Variants in FITM1 observed in about 807,000 individuals in gnomAD.
FITM1 encodes the protein fat storage inducing transmembrane protein 1, also known as fat storage-inducing transmembrane protein 1.
In FITM1, 11 loss-of-function variants were observed where a neutral mutation model predicts 22.2. The observed-to-expected ratio is 0.50, with a 90% CI of 0.31 to 0.82. FITM1 has a LOEUF of 0.82. Ranked by LOEUF, FITM1 falls within the 40% of genes least tolerant of loss-of-function variation. FITM1 has a pLI of 0.04. For missense variants in FITM1, 394 were observed against 386.4 expected (o/e 1.02, Z -0.17); for synonymous variants, 164 against 174.0 (o/e 0.94, Z 0.45).
rs755243564 is a variant in FITM1 at position 24,132,449 on chromosome 14, C to A, written c.505C>A (p.Arg169Ser). Residue 169 changes from arginine to serine, a missense_variant, in exon 2 of 2, where the codon CGC (arginine) becomes AGC (serine). Arg to Ser is a moderately radical substitution (Grantham distance 110, BLOSUM62 -1). Coordinates refer to ENST00000267426, the MANE Select transcript of FITM1 (RefSeq NM_203402.3). Reference protein sequence around the residue: ...GLLLHELPDRRSCLAAGHQWR... With the variant: ...GLLLHELPDRSSCLAAGHQWR... The stretch of plus-strand genomic sequence containing the variant: ...GCTGCTCCACGAGCTGCCTGACCGC[C>A]GCAGCTGCCTGGCAGCCGGCCACCA... The A allele has an allele frequency of 1.2e-6, 2 of 1,606,322 alleles. No homozygotes were observed. The highest frequency in any genetic ancestry group is 1.7e-6 in the Non-Finnish European group (2 of 1,179,786).
At chr14:24,132,134 G>T in intron 1 of FITM1, 77 bp from the exon 2 acceptor site, 1 of 1,561,440 alleles carries the variant, frequency 6.4e-7, no homozygotes, top group Non-Finnish European at 8.6e-7. Context: ...GGGTTGGGGA[G>T]AGTGCAGTGA....
rs754860068 is a variant in FITM1, at chr14:24,132,657, G to A, written c.713G>A (p.Cys238Tyr). The change falls in exon 2 of 2, where the codon TGT (cysteine) becomes TAT (tyrosine). Residue 238 changes from cysteine to tyrosine, a missense_variant. Transcript: ENST00000267426. ...LLGLWNFLLL[C>Y]TVIYFHQYTH... ...GGCCTCTGGAACTTCTTGCTGCTCT[G>A]TACCGTCATCTATTTCCACCAGTAC... 4.3e-6 allele frequency: 7 copies of A among 1,613,772 alleles called. No individual in the cohort carries two copies. The highest frequency in any genetic ancestry group is 1.1e-5 in the South Asian group (1 of 91,088).
chr14:24,132,843 G>T lies in FITM1; in HGVS notation c.*20G>T. On this transcript the variant is annotated 3_prime_UTR_variant, in exon 2 of 2. Coordinates refer to ENST00000267426, the MANE Select transcript of FITM1 (RefSeq NM_203402.3). ...AACTGAAAGAAATAAAAACCATCGG[G>T]CCTGGCTGTGGCTCCTCTCATCATT... The T allele has an allele frequency of 6.3e-7, 1 of 1,592,416 alleles. No individual in the cohort carries two copies.
chr14:24,132,029 C>A, intron 1 of FITM1, 182 bp from the exon 2 acceptor site: 1 of 1,185,944 alleles, frequency 8.4e-7, no homozygotes, highest in East Asian at 2.4e-5. Context: ...AATATGGACC[C>A]TGGAATGCTG....
At position 24,131,258 on chromosome 14, in the gene FITM1, C is replaced by G; in HGVS notation, c.-306C>G. The G allele has an allele frequency of 4.9e-6, 3 of 612,344 alleles. No homozygotes were observed. The highest frequency in any genetic ancestry group is 1.9e-5 in the South Asian group (1 of 52,874). 37.9% of individuals were successfully genotyped at this position (612,344 alleles called of 1,614,324 possible). The stretch of plus-strand genomic sequence containing the variant: ...GACTATGGACAAGGACAGCCCTGAA[C>G]AGCTGGCCCTGTCACAGGAACTGGA... On this transcript the variant is annotated 5_prime_UTR_variant, in exon 1 of 2. Transcript: ENST00000267426.
At position 24,132,620 on chromosome 14, in the gene FITM1, G is replaced by A. The variant is rs2037832022; in HGVS notation, c.676G>A (p.Val226Met). 3.1e-6 allele frequency: 5 copies of A among 1,612,846 alleles called. No individual in the cohort carries two copies. The highest frequency in any genetic ancestry group is 3.4e-6 in the Non-Finnish European group (4 of 1,180,038). Residue 226 changes from valine to methionine, a missense_variant, in exon 2 of 2, where the codon GTG becomes ATG. Val to Met is a conservative substitution (Grantham distance 21, BLOSUM62 1). Transcript: ENST00000267426. Reference protein sequence around the residue: ...APLRLVFLLNVLLLGLWNFLL... With the variant: ...APLRLVFLLNMLLLGLWNFLL... ...ACTGCGCCTTGTCTTCCTGCTGAAC[G>A]TGCTGCTGCTGGGCCTCTGGAACTT... is the stretch of plus-strand genomic sequence containing the variant.
In FITM1 at chr14:24,132,362, C is replaced by A; in HGVS notation, c.418C>A (p.Arg140=). ...GGCAGCCGTGTGGCGGGGAGCCGGC[C>A]GGGCCTTCCTGCTCATCGAGGACCT... ...VGAAVWRGAG[R]AFLLIEDLTG... The change falls in exon 2 of 2, where the codon CGG becomes AGG. Residue 140 remains arginine (R), a synonymous_variant. Transcript: ENST00000267426. The A allele has an allele frequency of 1.2e-6, 2 of 1,613,820 alleles. No homozygotes were observed. Among genetic ancestry groups the A allele is most frequent in the Non-Finnish European group, 1.7e-6 (2 of 1,180,004 alleles).
chr14:24,131,374 T>C lies in FITM1; in HGVS notation c.-190T>C, dbSNP rs1349049739. On this transcript the variant is annotated 5_prime_UTR_variant, in exon 1 of 2. Transcript: ENST00000267426. The stretch of plus-strand genomic sequence containing the variant: ...TACCACACACCCGAGGCCAGGACCC[T>C]GCTGACGTGGCAGACCTCCACCCTG... 12 of 704,108 alleles carry C rather than the reference T, an allele frequency of 1.7e-5. No individual in the cohort carries two copies. The highest frequency in any genetic ancestry group is 2.6e-6 in the Non-Finnish European group (1 of 388,406). 43.6% of individuals were successfully genotyped at this position (704,108 alleles called of 1,614,324 possible).
At position 24,132,480 on chromosome 14, in the gene FITM1, G is replaced by T; in HGVS notation, c.536G>T (p.Arg179Leu). The part of the protein sequence containing the change: ...RSCLAAGHQW[R>L]GYTVSSHTFL... ...TGCCTGGCAGCCGGCCACCAGTGGC[G>T]AGGCTACACCGTCTCCTCCCACACC... is the stretch of plus-strand genomic sequence containing the variant. The change falls in exon 2 of 2, where the codon CGA becomes CTA. Residue 179 changes from arginine (R) to leucine (L), a missense_variant. Coordinates refer to ENST00000267426, the MANE Select transcript of FITM1 (RefSeq NM_203402.3). 1 of 1,604,322 alleles carries T rather than the reference G, an allele frequency of 6.2e-7. No individual in the cohort carries two copies. Among genetic ancestry groups the T allele is most frequent in the Non-Finnish European group, 8.5e-7 (1 of 1,179,968 alleles).
rs761810676 is a variant in FITM1 at position 24,132,818 on chromosome 14, A to G, written c.874A>G (p.Asn292Asp). 30 of 1,604,432 alleles carry G rather than the reference A, an allele frequency of 1.9e-5. No homozygotes were observed. The highest frequency in any genetic ancestry group is 2.4e-5 in the Non-Finnish European group (28 of 1,178,272). The change falls in exon 2 of 2, where the codon AAC (asparagine) becomes GAC (aspartate). Residue 292 changes from asparagine (N) to aspartate (D), a missense_variant. Asn to Asp is a conservative substitution (Grantham distance 23). Transcript: ENST00000267426. Reference protein sequence around the residue: ...FPRPHSSRKHN With the variant: ...FPRPHSSRKHD ...CCGTCCCCACTCCAGCCGCAAGCATAACTGAAAGAAATAAAAACCATCGGG... is the reference window on the plus strand; with the variant it reads ...CCGTCCCCACTCCAGCCGCAAGCATGACTGAAAGAAATAAAAACCATCGGG...
At chr14:24,131,918 A>C in intron 1 of FITM1, 89 bp downstream of exon 1, 1 of 1,490,738 alleles carries the variant, frequency 6.7e-7, no homozygotes, top group Non-Finnish European at 8.9e-7. Flanking sequence ...TGCCAGTCTG[A>C]ACACTAAAAA....
rs996926754 is a variant in FITM1 at position 24,130,783 on chromosome 14, G to T, written c.-781G>T. Among the ~76,000 whole-genome samples the T allele has an allele frequency of 2.0e-5, 3 of 152,168 alleles. No homozygotes were observed. Among genetic ancestry groups the T allele is most frequent in the Admixed American group, 6.5e-5 (1 of 15,280 alleles). ...TAAGGTTTCAATTGACTCCTGTCTG[G>T]CAATTGCCCTTTTAGGGTCTCCTCT... On this transcript the variant is annotated 5_prime_UTR_variant, in exon 1 of 2. Coordinates refer to ENST00000267426, the MANE Select transcript of FITM1 (RefSeq NM_203402.3).
rs11574505 is a variant in FITM1, at chr14:24,132,611, C to T, written c.667C>T (p.Leu223=). ...CGGCGCCCCACTGCGCCTTGTCTTC[C>T]TGCTGAACGTGCTGCTGCTGGGCCT... is the stretch of plus-strand genomic sequence containing the variant. ...PAGAPLRLVF[L]LNVLLLGLWN... Residue 223 remains leucine (L), a synonymous_variant, in exon 2 of 2, where the codon CTG becomes TTG. Transcript: ENST00000267426. 9.9e-6 allele frequency: 16 copies of T among 1,612,408 alleles called. No individual in the cohort carries two copies. In the Admixed American group the frequency reaches 2.7e-4, roughly 27 times the overall value.
rs2037818349 is a variant in FITM1 at position 24,131,132 on chromosome 14, A to T, written c.-432A>T. 3 of 530,684 alleles carry T rather than the reference A, an allele frequency of 5.7e-6. No individual in the cohort carries two copies. In the South Asian group the frequency reaches 8.8e-5, roughly 16 times the overall value. The allele number at this position is 530,684 out of a possible 1,614,324, so 32.9% of individuals were successfully genotyped here. ...ACTGATAAGACTGGCAGCTTTTTTT[A>T]AAAAACGACTTTCAAGGTTTGGTTA... On this transcript the variant is annotated 5_prime_UTR_variant, in exon 1 of 2. Coordinates refer to ENST00000267426, the MANE Select transcript of FITM1 (RefSeq NM_203402.3).
rs1472324944 is a variant in FITM1 at position 24,132,684 on chromosome 14, C to T, written c.740C>T (p.Thr247Ile). The change falls in exon 2 of 2, where the codon ACT becomes ATT. Residue 247 changes from threonine to isoleucine, a missense_variant. Physicochemically the swap from Thr to Ile is moderately conservative, Grantham distance 89. Transcript: ENST00000267426. Reference sequence around the variant, plus strand: ...ACCGTCATCTATTTCCACCAGTACACTCACAAGGTGGTGGGCGCCGCAGTG... The same window carrying T: ...ACCGTCATCTATTTCCACCAGTACATTCACAAGGTGGTGGGCGCCGCAGTG... ...LCTVIYFHQY[T>I]HKVVGAAVGT... 1.9e-6 allele frequency: 3 copies of T among 1,613,932 alleles called. No individual in the cohort carries two copies. Among genetic ancestry groups the T allele is most frequent in the Non-Finnish European group, 2.5e-6 (3 of 1,180,048 alleles).
Position 24,131,668 on chromosome 14 carries a change from G to T in FITM1, c.105G>T (p.Leu35Phe). The T allele has an allele frequency of 2.5e-6, 4 of 1,614,044 alleles. No homozygotes were observed. Among genetic ancestry groups the T allele is most frequent in the Non-Finnish European group, 3.4e-6 (4 of 1,180,046 alleles). The change falls in exon 1 of 2, where the codon TTG (leucine) becomes TTT (phenylalanine). Residue 35 changes from leucine to phenylalanine, a missense_variant. Coordinates refer to ENST00000267426, the MANE Select transcript of FITM1 (RefSeq NM_203402.3). ...LKVLLWVASA[L>F]LYFGSEQAAR... ...TGCTGCTCTGGGTGGCCTCTGCCTT[G>T]CTGTACTTTGGAAGCGAACAGGCCG...
At position 24,132,423 on chromosome 14, in the gene FITM1, TGCTGCTCCACGAGCTGCCTGACCGCCGCA is replaced by T; in HGVS notation, c.485_513del (p.Leu162ProfsTer121). 1 of 1,609,468 alleles carries T rather than the reference TGCTGCTCCACGAGCTGCCTGACCGCCGCA, an allele frequency of 6.2e-7. No individual in the cohort carries two copies. The highest frequency in any genetic ancestry group is 2.2e-5 in the East Asian group (1 of 44,886). The stretch of plus-strand genomic sequence containing the variant: ...TGCTTCGAGCCACTGCCCCAGGGTC[TGCTGCTCCACGAGCTGCCTGACCGCCGCA>T]GCTGCCTGGCAGCCGGCCACCAGTG... On this transcript the variant is annotated frameshift_variant, in exon 2 of 2. Transcript: ENST00000267426. LOFTEE classifies it high-confidence loss of function.
Position 24,131,822 on chromosome 14 carries a change from T to C in FITM1, c.259T>C (p.Phe87Leu). 6.3e-7 allele frequency: 1 copy of C among 1,586,516 alleles called. No individual in the cohort carries two copies. Among genetic ancestry groups the C allele is most frequent in the Non-Finnish European group, 8.6e-7 (1 of 1,164,258 alleles). ...TATCTTCGCCAGCCACGGCAACTTC[T>C]TCAACATGTGAGTCCACTCAAGGCT... ...RTIFASHGNFFNIKFVNSAWG... is the reference protein window; with the variant it reads ...RTIFASHGNFLNIKFVNSAWG... Residue 87 changes from phenylalanine (F) to leucine (L), a missense_variant, in exon 1 of 2, where the codon TTC becomes CTC. By Grantham distance (22) the Phe-to-Leu change is conservative. Transcript: ENST00000267426.
rs1473501857 is a variant in FITM1, at chr14:24,131,829, T to A, written c.266T>A (p.Ile89Lys). The change falls in exon 1 of 2, where the codon ATA (isoleucine) becomes AAA (lysine). Residue 89 changes from isoleucine (I) to lysine (K), a missense_variant and splice_region_variant. Coordinates refer to ENST00000267426, the MANE Select transcript of FITM1 (RefSeq NM_203402.3). ...IFASHGNFFNIKFVNSAWGWT... is the reference protein window; with the variant it reads ...IFASHGNFFNKKFVNSAWGWT... Reference sequence around the variant, plus strand: ...GCCAGCCACGGCAACTTCTTCAACATGTGAGTCCACTCAAGGCTGTGGGAG... The same window carrying A: ...GCCAGCCACGGCAACTTCTTCAACAAGTGAGTCCACTCAAGGCTGTGGGAG... 6.3e-7 allele frequency: 1 copy of A among 1,580,566 alleles called. No homozygotes were observed. Among genetic ancestry groups the A allele is most frequent in the Non-Finnish European group, 8.6e-7 (1 of 1,161,382 alleles).
Sources: gnomAD v4.1 joint callset for allele counts (sites outside exome capture counted in the v4.1 genomes callset) on GRCh38, gnomAD v4.1.1 for gene constraint, MANE v1.5 for transcripts, NCBI Gene and HGNC (gene_info 2026-07-23, HGNC 2026-07-21) for gene names.